The following NCBP2L variants were observed in gnomAD, a reference collection of about 807,000 sequenced individuals.
NCBP2L encodes the protein nuclear cap binding protein subunit 2 like, also known as nuclear cap-binding protein subunit 2-like.
For missense variants in NCBP2L, 95 were observed against 53.1 expected (o/e 1.79, Z -2.45); for synonymous variants, 39 against 19.2 (o/e 2.04, Z -2.70).
Position 107,794,785 on chromosome X carries a change from C to G in NCBP2L, c.*103C>G, listed in dbSNP as rs1930498669. The stretch of plus-strand genomic sequence containing the variant: ...CCAATTCCAAGTTTAAATTACCTTA[C>G]TTGTTGATGTATTTTTTTCTCTGAA... On this transcript the variant is annotated 3_prime_UTR_variant, in exon 2 of 2. Coordinates refer to ENST00000509000, the MANE Select transcript of NCBP2L (RefSeq NM_001348372.2). 1 of 391,216 alleles carries G rather than the reference C, an allele frequency of 2.6e-6. No homozygotes were observed. Among genetic ancestry groups the G allele is most frequent in the Admixed American group, 4.5e-5 (1 of 22,072 alleles). The allele number at this position is 391,216 out of a possible 1,213,427, so 32.2% of individuals were successfully genotyped here. A position where few individuals can be genotyped will look rare whatever the true frequency, so the allele number is the denominator to read the frequency against.
At position 107,782,368 on chromosome X, in the gene NCBP2L, A is replaced by AATATATATATATATAAAT. The variant is rs1930335263; in HGVS notation, c.-73+4525_-73+4526insAATATATATATATATATA. ...ATATATATAAATATATATATATATA[A>AATATATATATATATAAAT]ATATATATATATATATACCCACACA... is the stretch of plus-strand genomic sequence containing the variant. On this transcript the variant is annotated intron_variant, in intron 1 of 1. Coordinates refer to ENST00000509000, the MANE Select transcript of NCBP2L (RefSeq NM_001348372.2). Among the ~76,000 whole-genome samples, 5 of 33,692 alleles carry AATATATATATATATAAAT rather than the reference A, an allele frequency of 1.5e-4. 1 individual carries two copies. In the African/African-American group the frequency reaches 3.0e-3, roughly 20 times the overall value. 29.3% of individuals were successfully genotyped at this position (33,692 alleles called of 115,157 possible). A position where few individuals can be genotyped will look rare whatever the true frequency, so the allele number is the denominator to read the frequency against.
In NCBP2L at chrX:107,794,709, C is replaced by T. The variant is rs1050879467; in HGVS notation, c.*27C>T. 1.9e-6 allele frequency: 1 copy of T among 540,338 alleles called. No homozygotes were observed. Among genetic ancestry groups the T allele is most frequent in the African/African-American group, 2.3e-5 (1 of 43,806 alleles). 44.5% of individuals were successfully genotyped at this position (540,338 alleles called of 1,213,427 possible). On this transcript the variant is annotated 3_prime_UTR_variant, in exon 2 of 2. Coordinates refer to ENST00000509000, the MANE Select transcript of NCBP2L (RefSeq NM_001348372.2). ...ACAATCCATAGAGAAAAAGTTTTAA[C>T]TCTAACCCCTTGAAAAGTGTGTTAT... is the stretch of plus-strand genomic sequence containing the variant.
chrX:107,785,118 A>G (rs1930381356), intron 1 of NCBP2L, among the ~76,000 whole-genome samples: 1 of 112,006 alleles, frequency 8.9e-6, no homozygotes, highest in African/African-American at 3.2e-5. Context: ...AGAGGAATTG[A>G]TGGTAGAAGA....
intron 1 of NCBP2L, among the ~76,000 whole-genome samples, chrX:107,793,713 C>A (rs957343258): frequency 8.9e-6 from 1 of 111,858 alleles, no homozygotes; most frequent in Non-Finnish European, 1.9e-5. Flanking sequence ...ACTTGAATTG[C>A]AAATTAAGAA....
chrX:107,783,478 T>A (rs1201878987), intron 1 of NCBP2L, among the ~76,000 whole-genome samples: 1 of 107,709 alleles, frequency 9.3e-6, no homozygotes, highest in Admixed American at 1.0e-4. Flanking sequence ...ATTCAAGCGA[T>A]TCTCTTGCCT....
chrX:107,786,914 A>G (rs1169741371), intron 1 of NCBP2L, among the ~76,000 whole-genome samples: 1 of 111,609 alleles, frequency 9.0e-6, no homozygotes, highest in African/African-American at 3.3e-5. Context: ...TGGGGCTATC[A>G]GCCATGATTA....
Position 107,781,676 on chromosome X carries a change from A to ATCTATCTATCTATCTCTCTC in NCBP2L, c.-73+3821_-73+3822insATCTATCTATCTCTCTCTCT, listed in dbSNP as rs1380779020. ...CATCTATCTATCTATCTATCTATCT[A>ATCTATCTATCTATCTCTCTC]TCTCTCTCTCTCTCTCTATATATAT... On this transcript the variant is annotated intron_variant, in intron 1 of 1. Transcript: ENST00000509000. Among the ~76,000 whole-genome samples, 244 of 55,861 alleles carry ATCTATCTATCTATCTCTCTC rather than the reference A, an allele frequency of 4.4e-3. 3 individuals carry two copies. Among genetic ancestry groups the ATCTATCTATCTATCTCTCTC allele is most frequent in the African/African-American group, 0.024 (215 of 8,797 alleles). 48.5% of individuals were successfully genotyped at this position (55,861 alleles called of 115,157 possible). A position where few individuals can be genotyped will look rare whatever the true frequency, so the allele number is the denominator to read the frequency against.
chrX:107,778,930 T>C lies in NCBP2L; in HGVS notation c.-73+1072T>C, dbSNP rs1007670899. On this transcript the variant is annotated intron_variant, in intron 1 of 1. Transcript: ENST00000509000. ...ACTAAGTGGTAATGGAGGCCTGGTG[T>C]GTGTAGGGGGAATAGGGGGTGGCAT... Among the ~76,000 whole-genome samples the C allele has an allele frequency of 3.6e-5, 4 of 110,570 alleles. No individual in the cohort carries two copies. In the East Asian group the frequency reaches 8.5e-4, roughly 23 times the overall value.
intron 1 of NCBP2L, among the ~76,000 whole-genome samples, chrX:107,783,061 A>C (rs934848313): frequency 1.8e-5 from 2 of 110,278 alleles, no homozygotes; most frequent in Non-Finnish European, 3.8e-5. Context: ...TTTATCTATC[A>C]ATGGACACTT....
intron 1 of NCBP2L, among the ~76,000 whole-genome samples, chrX:107,781,844 TTA>T (rs1238711785): frequency 2.3e-5 from 1 of 42,917 alleles, no homozygotes; most frequent in African/African-American, 9.1e-5. Flanking sequence ...ATATATATAT[TTA>T]TATATATATA....
chrX:107,794,212 A>G lies in NCBP2L; in HGVS notation c.-9A>G, dbSNP rs1412683070. 1.9e-6 allele frequency: 1 copy of G among 526,399 alleles called. No homozygotes were observed. Among genetic ancestry groups the G allele is most frequent in the South Asian group, 2.7e-5 (1 of 37,074 alleles). The allele number at this position is 526,399 out of a possible 1,213,427, so 43.4% of individuals were successfully genotyped here. A position where few individuals can be genotyped will look rare whatever the true frequency, so the allele number is the denominator to read the frequency against. Reference sequence around the variant, plus strand: ...AAAACGGCCATCGGCATGCTGCCCAACCAGCACCATGTCCAAAGACCTGAA... The same window carrying G: ...AAAACGGCCATCGGCATGCTGCCCAGCCAGCACCATGTCCAAAGACCTGAA... On this transcript the variant is annotated 5_prime_UTR_variant, in exon 2 of 2. Transcript: ENST00000509000.
chrX:107,792,414 A>G (rs1406310192), intron 1 of NCBP2L, among the ~76,000 whole-genome samples: 2 of 110,799 alleles, frequency 1.8e-5, no homozygotes, highest in Admixed American at 1.9e-4. Flanking sequence ...TCAATGACTT[A>G]AAGTAATGAG....
rs1259720869 is a variant in NCBP2L, at chrX:107,795,480, A to G, written c.*798A>G. On this transcript the variant is annotated 3_prime_UTR_variant, in exon 2 of 2. Transcript: ENST00000509000. ...AATGGTATAAAAGTGATGTGCATTCAGTAGAAACCATGCTTCAGGTACCCA... is the reference window on the plus strand; with the variant it reads ...AATGGTATAAAAGTGATGTGCATTCGGTAGAAACCATGCTTCAGGTACCCA... The G allele has an allele frequency of 1.8e-5, 2 of 112,071 alleles. No individual in the cohort carries two copies. Among genetic ancestry groups the G allele is most frequent in the African/African-American group, 6.5e-5 (2 of 30,796 alleles). 9.2% of individuals were successfully genotyped at this position (112,071 alleles called of 1,213,427 possible).
intron 1 of NCBP2L, among the ~76,000 whole-genome samples, chrX:107,782,362 T>TAA (rs1293231309): frequency 2.4e-5 from 1 of 42,398 alleles, no homozygotes; most frequent in African/African-American, 2.7e-4. Context: ...AATATATATA[T>TAA]ATATAAATAT....
At chrX:107,783,369 T>TTTTTTTTTTTTTTTTTTTTTTTTTTTTTG (rs1930352013) in intron 1 of NCBP2L, among the ~76,000 whole-genome samples, 1 of 98,792 alleles carries the variant, frequency 1.0e-5, no homozygotes, top group African/African-American at 3.9e-5. Context: ...TTTTTTTTTT[T>TTTTTTTTTTTTTTTTTTTTTTTTTTTTTG]TTTTTTTTTT....
intron 1 of NCBP2L, among the ~76,000 whole-genome samples, chrX:107,781,635 C>G (rs1290956634): frequency 2.3e-5 from 2 of 86,666 alleles, no homozygotes; most frequent in South Asian, 5.5e-4. Flanking sequence ...ATCATTCTAT[C>G]TATCTATCTA....
chrX:107,783,220 C>T (rs948564116), intron 1 of NCBP2L, among the ~76,000 whole-genome samples: 10 of 108,647 alleles, frequency 9.2e-5, no homozygotes, highest in Admixed American at 2.0e-4. Flanking sequence ...CAGTGGCTCA[C>T]GCCTGTAATT....
intron 1 of NCBP2L, among the ~76,000 whole-genome samples, chrX:107,789,730 A>G (rs1335805861): frequency 9.0e-6 from 1 of 111,187 alleles, no homozygotes; most frequent in Non-Finnish European, 1.9e-5. Context: ...GGCTTTGGTG[A>G]TGTTGCACAT....
At chrX:107,789,815 A>T (rs1415581286) in intron 1 of NCBP2L, among the ~76,000 whole-genome samples, 1 of 109,119 alleles carries the variant, frequency 9.2e-6, no homozygotes, top group Non-Finnish European at 1.9e-5. Context: ...GCCACCCCTT[A>T]AATGCCAGTC....
Sources: gnomAD v4.1 joint callset for allele counts (sites outside exome capture counted in the v4.1 genomes callset) on GRCh38, gnomAD v4.1.1 for gene constraint, MANE v1.5 for transcripts, NCBI Gene and HGNC (gene_info 2026-07-23, HGNC 2026-07-21) for gene names.